The following POLE variants were observed in gnomAD, a reference collection of about 807,000 sequenced individuals.
The protein encoded by POLE is DNA polymerase epsilon, catalytic subunit.
A neutral mutation model predicts 279.2 loss-of-function variants in POLE; 188 were observed. The ratio of observed to expected loss-of-function variants is 0.67; its 90% CI spans 0.60 to 0.76. POLE has a LOEUF of 0.76. Ranked by LOEUF, POLE falls within the 30% of genes least tolerant of loss-of-function variation. POLE has a pLI of 0.00. For missense variants in POLE, 2,703 were observed against 3,016.7 expected (o/e 0.90, Z 2.44); for synonymous variants, 1,214 against 1,172.5 (o/e 1.04, Z -0.72).
At chr12:132,674,027 G>A (rs2042988946) in intron 12 of POLE, among the ~76,000 whole-genome samples, 1 of 152,070 alleles carries the variant, frequency 6.6e-6, no homozygotes, top group Non-Finnish European at 1.5e-5. Flanking sequence ...CAGACCTCAG[G>A]TCTGCACCCC....
chr12:132,631,210 T>C (rs2041927241), intron 45 of POLE, among the ~76,000 whole-genome samples: 1 of 152,076 alleles, frequency 6.6e-6, no homozygotes, highest in South Asian at 2.1e-4. Context: ...GGCTGCACAA[T>C]GTCTCTACTT....
At chr12:132,651,172 T>C (rs1465311150) in intron 29 of POLE, 1 of 152,176 alleles carries the variant, frequency 6.6e-6, no homozygotes, top group Non-Finnish European at 1.5e-5. Context: ...CACATGCCTG[T>C]CCCTGCAACT....
Position 132,634,128 on chromosome 12 carries a change from A to G in POLE, c.6004+58T>C. ...TGCGATACCATGGCACAGGAGCCAC[A>G]TCTACTAACCATGAGTCCCTTCAGT... On this transcript the variant is annotated intron_variant, in intron 43 of 48. Transcript: ENST00000320574. This position sits in a 1 kb window ranked among gnomAD's most constrained non-coding sequence, Gnocchi z 4.0. 2.8e-6 allele frequency: 4 copies of G among 1,439,704 alleles called. No individual in the cohort carries two copies. Among genetic ancestry groups the G allele is most frequent in the Middle Eastern group, 1.9e-4 (1 of 5,158 alleles). The allele number at this position is 1,439,704 out of a possible 1,614,324, so 89.2% of individuals were successfully genotyped here.
chr12:132,682,291 CA>C (rs759276322), intron 1 of POLE, among the ~76,000 whole-genome samples: 68 of 120,452 alleles, frequency 5.6e-4, no homozygotes, highest in African/African-American at 7.9e-4. Context: ...GAGACTCCGG[CA>C]AAAAAAAAAA....
chr12:132,632,980 A>C, intron 43 of POLE, 185 bp from the exon 44 acceptor site: 5 of 615,660 alleles, frequency 8.1e-6, no homozygotes, highest in Non-Finnish European at 1.1e-5. Flanking sequence ...GGAAATGAGA[A>C]GGAACACTCG....
In POLE at chr12:132,675,772, T is replaced by G; in HGVS notation, c.1069A>C (p.Thr357Pro). 6.2e-7 allele frequency: 1 copy of G among 1,614,176 alleles called. No individual in the cohort carries two copies. The highest frequency in any genetic ancestry group is 1.1e-5 in the South Asian group (1 of 91,078). ...WFEHVQETKP[T>P]IMVTYNGDFF... is the part of the protein sequence containing the mutation. ...TCCCCGTTGTAGGTGACCATGATGG[T>G]GGGTTTGGTCTCCTGGACGTGTTCA... Residue 357 changes from threonine (T) to proline (P), a missense_variant, in exon 11 of 49, where the codon ACC (threonine) becomes CCC (proline). By Grantham distance (38) the Thr-to-Pro change is conservative. Around this residue, in one of 5 missense-constraint regions of POLE, gnomAD observed 1,011 missense variants for 1,111.7 expected, o/e 0.91. Transcript: ENST00000320574. This position sits in a 1 kb window ranked among gnomAD's most constrained non-coding sequence, Gnocchi z 4.3.
In POLE at chr12:132,649,680, G is replaced by C; in HGVS notation, c.3792C>G (p.Ser1264Arg). The C allele has an allele frequency of 6.2e-7, 1 of 1,613,838 alleles. No homozygotes were observed. The highest frequency in any genetic ancestry group is 8.5e-7 in the Non-Finnish European group (1 of 1,179,972). ...ILGQPPALGT[S>R]QEEWLVWLRF... Reference sequence around the variant, plus strand: ...GTATCACAGCTGTGTGCCTTACCTGGCTGGTTCCCAGGGCGGGAGGCTGCC... The same window carrying C: ...GTATCACAGCTGTGTGCCTTACCTGCCTGGTTCCCAGGGCGGGAGGCTGCC... The change falls in exon 30 of 49, where the codon AGC becomes AGG. Residue 1264 changes from serine to arginine, a missense_variant. Transcript: ENST00000320574.
intron 16 of POLE, among the ~76,000 whole-genome samples, chr12:132,669,891 G>A (rs1183137506): frequency 6.6e-6 from 1 of 152,134 alleles, no homozygotes; most frequent in Non-Finnish European, 1.5e-5. Flanking sequence ...GCACTTGCGA[G>A]GACTTAGGAA....
rs769584721 is a variant in POLE at position 132,657,904 on chromosome 12, G to A, written c.3342C>T (p.Leu1114=). Residue 1114 remains leucine, a synonymous_variant, in exon 27 of 49, where the codon CTC becomes CTT. Transcript: ENST00000320574. Reference sequence around the variant, plus strand: ...CAAAGTCTTGAAGGGAAGAGCTCTTGAGCCATTTCCGGAGAAAGTGCTTCC... The same window carrying A: ...CAAAGTCTTGAAGGGAAGAGCTCTTAAGCCATTTCCGGAGAAAGTGCTTCC... The part of the protein sequence containing the change: ...TVRKHFLRKW[L]KSSSLQDFDI... 6.2e-7 allele frequency: 1 copy of A among 1,614,032 alleles called. No individual in the cohort carries two copies. Among genetic ancestry groups the A allele is most frequent in the Non-Finnish European group, 8.5e-7 (1 of 1,179,890 alleles).
chr12:132,677,981 G>A (rs1377570531), intron 6 of POLE, among the ~76,000 whole-genome samples: 1 of 151,910 alleles, frequency 6.6e-6, no homozygotes, highest in Non-Finnish European at 1.5e-5. Flanking sequence ...AGTTCGAGAC[G>A]AGCCTGGCCA....
rs2138485353 is a variant in POLE at position 132,635,929 on chromosome 12, A to G, written c.5774T>C (p.Ile1925Thr). Residue 1925 changes from isoleucine to threonine, a missense_variant, in exon 42 of 49, where the codon ATC (isoleucine) becomes ACC (threonine). Around this residue, in one of 5 missense-constraint regions of POLE, gnomAD observed 1,551 missense variants for 1,686.1 expected, o/e 0.92. Coordinates refer to ENST00000320574, the MANE Select transcript of POLE (RefSeq NM_006231.4). ...AATACGAGATGAAACTTTTCCTTTG[A>G]TTCCGCCATAGTTAGATGGATCCAT... ...LWMDPSNYGG[I>T]KGKVSSRIHC... 2 of 1,613,806 alleles carry G rather than the reference A, an allele frequency of 1.2e-6. No homozygotes were observed. The highest frequency in any genetic ancestry group is 8.5e-7 in the Non-Finnish European group (1 of 1,179,870).
At chr12:132,636,540 G>A (rs1003663413) in intron 41 of POLE, among the ~76,000 whole-genome samples, 2 of 151,420 alleles carry the variant, frequency 1.3e-5, no homozygotes, top group Admixed American at 1.3e-4. Flanking sequence ...AGGATCGCCT[G>A]AGTTCAGGAG....
rs2042863924 is a variant in POLE at position 132,668,990 on chromosome 12, G to T, written c.1795-51C>A. 1 of 1,582,958 alleles carries T rather than the reference G, an allele frequency of 6.3e-7. No homozygotes were observed. The highest frequency in any genetic ancestry group is 8.6e-7 in the Non-Finnish European group (1 of 1,158,774). ...AGGCTGGTGACCAAGCTTGCCTCGT[G>T]TGCAGTTCACCAACCCCTTTTAGAC... is the stretch of plus-strand genomic sequence containing the variant. On this transcript the variant is annotated intron_variant, in intron 16 of 48. Transcript: ENST00000320574. The surrounding 1 kb of genome is among the most constrained non-coding windows in gnomAD (Gnocchi z 4.0).
At chr12:132,681,363 A>C (rs2043165432) in intron 1 of POLE, 84 bp from the exon 2 acceptor site, 1 of 1,434,836 alleles carries the variant, frequency 7.0e-7, no homozygotes, top group Non-Finnish European at 9.5e-7. Flanking sequence ...TTTTTTTTTG[A>C]GACGGAGTCT....
chr12:132,637,943 C>T (rs2138498695), intron 41 of POLE, 71 bp downstream of exon 41: 4 of 1,556,070 alleles, frequency 2.6e-6, no homozygotes, highest in East Asian at 4.6e-5. Context: ...GGAGAGCTGG[C>T]ACCTCAGGGG....
chr12:132,679,853 C>T (rs1035479780), intron 5 of POLE, 101 bp downstream of exon 5: 12 of 1,025,216 alleles, frequency 1.2e-5, no homozygotes, highest in Non-Finnish European at 1.6e-5. Context: ...CGCCCCATCA[C>T]CCAACAGATG....
Position 132,672,644 on chromosome 12 carries a change from G to C in POLE, c.1669C>G (p.Pro557Ala). Residue 557 changes from proline to alanine, a missense_variant, in exon 15 of 49, where the codon CCT (proline) becomes GCT (alanine). Coordinates refer to ENST00000320574, the MANE Select transcript of POLE (RefSeq NM_006231.4). ...LESGVFRSDI[P>A]CRFRMNPAAF... Reference sequence around the variant, plus strand: ...AAGCACACCATCCTAAACCGGCAAGGGATATCGCTGCGGAAAACCCCAGAC... The same window carrying C: ...AAGCACACCATCCTAAACCGGCAAGCGATATCGCTGCGGAAAACCCCAGAC... 6.2e-7 allele frequency: 1 copy of C among 1,614,080 alleles called. No individual in the cohort carries two copies. Among genetic ancestry groups the C allele is most frequent in the Non-Finnish European group, 8.5e-7 (1 of 1,179,998 alleles).
At chr12:132,663,011 G>A (rs767255854) in intron 23 of POLE, among the ~76,000 whole-genome samples, 1 of 152,190 alleles carries the variant, frequency 6.6e-6, no homozygotes, top group Non-Finnish European at 1.5e-5. Context: ...GAAAAACCAC[G>A]ACAGGAAACC....
Position 132,664,980 on chromosome 12 carries a change from C to T in POLE, c.2468+322G>A, listed in dbSNP as rs967940892. Among the ~76,000 whole-genome samples the T allele has an allele frequency of 1.3e-5, 2 of 151,970 alleles. No homozygotes were observed. Among genetic ancestry groups the T allele is most frequent in the African/African-American group, 4.8e-5 (2 of 41,376 alleles). On this transcript the variant is annotated intron_variant, in intron 21 of 48. Transcript: ENST00000320574. The surrounding 1 kb of genome is among the most constrained non-coding windows in gnomAD (Gnocchi z 5.3). ...GACATGCTGTGAAGCAACTGCCCGACACTCTGCAAGTCCCTGAGTGAGGAT... is the reference window on the plus strand; with the variant it reads ...GACATGCTGTGAAGCAACTGCCCGATACTCTGCAAGTCCCTGAGTGAGGAT...
Sources: allele counts gnomAD v4.1 joint callset (sites outside exome capture counted in the v4.1 genomes callset), GRCh38; gene constraint gnomAD v4.1.1; regional missense constraint gnomAD v4.1.1; non-coding constraint Gnocchi (gnomAD v3.1); transcripts MANE v1.5; gene names NCBI Gene and HGNC (gene_info 2026-07-23, HGNC 2026-07-21).